The following BLVRA variants were observed in gnomAD, a reference collection of about 807,000 sequenced individuals.
BLVRA encodes biliverdin reductase A.
A neutral mutation model predicts 32.8 loss-of-function variants in BLVRA; 22 were observed. The ratio of observed to expected loss-of-function variants is 0.67; its 90% CI spans 0.48 to 0.96. The LOEUF is 0.96. Among genes scored for constraint, BLVRA ranks in the 40% least tolerant of loss-of-function variants. The pLI, the probability that BLVRA is intolerant of heterozygous loss-of-function variation, is 0.00. For synonymous variants in BLVRA, 119 were observed against 141.3 expected, an observed-to-expected ratio of 0.84 and a Z score of 1.12; for missense variants, 323 against 358.1, an observed-to-expected ratio of 0.90 and a Z score of 0.79.
chr7:43,778,951 G>A (rs1023790089), intron 2 of BLVRA, among the ~76,000 whole-genome samples: 7 of 151,954 alleles, frequency 4.6e-5, no homozygotes, highest in South Asian at 2.1e-4. Context: ...CATAGGACCC[G>A]CCGAGCCATG....
At chr7:43,786,655 A>G (rs1197592749) in intron 2 of BLVRA, among the ~76,000 whole-genome samples, 15 of 152,230 alleles carry the variant, frequency 9.9e-5, no homozygotes, top group Admixed American at 9.8e-4. Context: ...AATAAATCTA[A>G]AAGGATTCAA....
intron 1 of BLVRA, among the ~76,000 whole-genome samples, chr7:43,759,737 C>A (rs2095740179): frequency 6.6e-6 from 1 of 152,044 alleles, no homozygotes; most frequent in African/African-American, 2.4e-5. Flanking sequence ...AGTACGATTC[C>A]CAAGAAGATA....
intron 7 of BLVRA, among the ~76,000 whole-genome samples, chr7:43,805,105 G>GAGGTA (rs2095802718): frequency 4.6e-5 from 7 of 152,100 alleles, no homozygotes; most frequent in Admixed American, 4.6e-4. Flanking sequence ...GACAGTTGTA[G>GAGGTA]CACCCTGTAA....
chr7:43,761,018 C>T (rs2095741641), intron 1 of BLVRA, among the ~76,000 whole-genome samples: 1 of 152,220 alleles, frequency 6.6e-6, no homozygotes, highest in African/African-American at 2.4e-5. Context: ...ATCCACCCAC[C>T]ATGGCCTCCC....
chr7:43,780,677 G>A (rs1301006091), intron 2 of BLVRA, among the ~76,000 whole-genome samples: 1 of 152,116 alleles, frequency 6.6e-6, no homozygotes, highest in Non-Finnish European at 1.5e-5. Context: ...CTGACACATT[G>A]CCTCTGTTGT....
intron 2 of BLVRA, among the ~76,000 whole-genome samples, chr7:43,777,041 C>T (rs1307076229): frequency 1.3e-5 from 2 of 151,252 alleles, no homozygotes. Flanking sequence ...TGTGTCTCTG[C>T]ACGTGAGATG....
chr7:43,758,809 G>A (rs1050669829), intron 1 of BLVRA, 75 bp downstream of exon 1: 1 of 151,788 alleles, frequency 6.6e-6, no homozygotes, highest in Admixed American at 6.6e-5. Flanking sequence ...GAGCGCTAGG[G>A]CCTGAGCTCG....
chr7:43,759,062 C>G (rs547314623), intron 1 of BLVRA, among the ~76,000 whole-genome samples: 1 of 152,354 alleles, frequency 6.6e-6, no homozygotes, highest in African/African-American at 2.4e-5. Flanking sequence ...AGGGCAGGCT[C>G]GGCGTCCGCG....
chr7:43,771,178 C>A lies in BLVRA; in HGVS notation c.12+8C>A. On this transcript the variant is annotated splice_region_variant and intron_variant, in intron 2 of 7. Coordinates refer to ENST00000265523, the MANE Select transcript of BLVRA (RefSeq NM_000712.4). ...ACCAAGATGAATGCAGAGGTGAGTT[C>A]TTTACAAAGACCAGTTTAAGGGATG... The A allele has an allele frequency of 1.9e-6, 3 of 1,613,620 alleles. No individual in the cohort carries two copies. The highest frequency in any genetic ancestry group is 2.5e-6 in the Non-Finnish European group (3 of 1,179,510).
intron 1 of BLVRA, among the ~76,000 whole-genome samples, chr7:43,761,289 G>A (rs2095741975): frequency 6.6e-6 from 1 of 152,140 alleles, no homozygotes; most frequent in Non-Finnish European, 1.5e-5. Context: ...ATATGGCCAG[G>A]AATTGAGATG....
chr7:43,799,536 G>A (rs1305969058), intron 5 of BLVRA, among the ~76,000 whole-genome samples: 1 of 151,714 alleles, frequency 6.6e-6, no homozygotes, highest in Non-Finnish European at 1.5e-5. Context: ...GCACTGGTAC[G>A]ATCTTGGCTA....
chr7:43,797,069 A>C (rs1182035343), intron 5 of BLVRA, among the ~76,000 whole-genome samples: 4 of 152,228 alleles, frequency 2.6e-5, no homozygotes, highest in Admixed American at 2.6e-4. Flanking sequence ...TTCAGCAAAA[A>C]GATGGAGGAT....
intron 1 of BLVRA, chr7:43,767,509 C>T (rs1023218651): frequency 4.7e-5 from 57 of 1,219,540 alleles, no homozygotes; most frequent in African/African-American, 4.0e-4. Context: ...CTATTGTTGC[C>T]GTGGTCACCG....
chr7:43,807,295 T>G lies in BLVRA; in HGVS notation c.*60T>G, dbSNP rs1322899523. Reference sequence around the variant, plus strand: ...CCAGCATTTGGTTCTTCTCAAGAGTTGACCATTATCTCTATTCTTAAAATT... The same window carrying G: ...CCAGCATTTGGTTCTTCTCAAGAGTGGACCATTATCTCTATTCTTAAAATT... On this transcript the variant is annotated 3_prime_UTR_variant, in exon 8 of 8. Coordinates refer to ENST00000265523, the MANE Select transcript of BLVRA (RefSeq NM_000712.4). The G allele has an allele frequency of 2.5e-6, 4 of 1,591,612 alleles. No individual in the cohort carries two copies. The highest frequency in any genetic ancestry group is 3.4e-6 in the Non-Finnish European group (4 of 1,173,010).
intron 7 of BLVRA, 26 bp downstream of exon 7, chr7:43,803,873 G>A (rs1366543633): frequency 3.1e-6 from 5 of 1,612,884 alleles, no homozygotes; most frequent in Non-Finnish European, 4.2e-6. Flanking sequence ...CCATGAGGAG[G>A]AGGAAATTTA....
intron 1 of BLVRA, among the ~76,000 whole-genome samples, chr7:43,759,262 T>C (rs1044205338): frequency 6.6e-6 from 1 of 152,274 alleles, no homozygotes; most frequent in Non-Finnish European, 1.5e-5. Flanking sequence ...CTGGAAACTA[T>C]CACTTATTTC....
intron 6 of BLVRA, 116 bp downstream of exon 6, chr7:43,800,688 G>A: frequency 2.1e-6 from 2 of 935,090 alleles, no homozygotes; most frequent in South Asian, 2.8e-5. Flanking sequence ...CTCTGACTCA[G>A]GGCCACTTAA....
At chr7:43,792,233 C>T (rs1487162143) in intron 4 of BLVRA, among the ~76,000 whole-genome samples, 2 of 152,154 alleles carry the variant, frequency 1.3e-5, no homozygotes, top group Non-Finnish European at 2.9e-5. Flanking sequence ...TGCCCAAGCC[C>T]CTGCATACGC....
Position 43,792,817 on chromosome 7 carries a change from T to G in BLVRA, c.352+5T>G. The G allele has an allele frequency of 6.2e-7, 1 of 1,613,464 alleles. No individual in the cohort carries two copies. The highest frequency in any genetic ancestry group is 8.5e-7 in the Non-Finnish European group (1 of 1,179,556). On this transcript the variant is annotated splice_donor_5th_base_variant and intron_variant, in intron 5 of 7. Coordinates refer to ENST00000265523, the MANE Select transcript of BLVRA (RefSeq NM_000712.4). ...GGGAGCTGGCTGAGCAGAAAGGTAA[T>G]GTATCTTACCAAGAGTTTCTGCCTC...
Sources: allele counts gnomAD v4.1 joint callset (sites outside exome capture counted in the v4.1 genomes callset), GRCh38; gene constraint gnomAD v4.1.1; transcripts MANE v1.5; gene names NCBI Gene and HGNC (gene_info 2026-07-23, HGNC 2026-07-21).